Variants in FNIP1 observed in about 807,000 individuals in gnomAD.
The protein encoded by FNIP1 is folliculin interacting protein 1.
A neutral mutation model predicts 124.5 loss-of-function variants in FNIP1; 40 were observed. That is an observed-to-expected ratio of 0.32 (90% CI 0.25 to 0.42). The LOEUF (loss-of-function observed/expected upper bound fraction) is 0.42, where lower values mean the gene tolerates loss of function less well. FNIP1 is among the 10% of genes least tolerant of loss of function. The pLI is 1.00. For synonymous variants in FNIP1, 472 were observed against 470.6 expected (o/e 1.00, Z -0.04); for missense variants, 1,176 against 1,403.7 (o/e 0.84, Z 2.59).
At chr5:131,788,996 C>T (rs1772310790) in intron 1 of FNIP1, among the ~76,000 whole-genome samples, 1 of 152,024 alleles carries the variant, frequency 6.6e-6, no homozygotes, top group Admixed American at 6.6e-5. Context: ...TTTACACTAG[C>T]CAAGATATGC....
At position 131,672,920 on chromosome 5, in the gene FNIP1, G is replaced by C; in HGVS notation, c.1524C>G (p.Asp508Glu). ...CGGGAGAGCCAATAGCGCCATACAAGTCTCCTGTAATGGAAAAAATCAGTT... is the reference window on the plus strand; with the variant it reads ...CGGGAGAGCCAATAGCGCCATACAACTCTCCTGTAATGGAAAAAATCAGTT... ...PYNPLWAQLG[D>E]LYGAIGSPVR... Residue 508 changes from aspartate to glutamate, a missense_variant, in exon 14 of 18, where the codon GAC becomes GAG. By Grantham distance (45) the Asp-to-Glu change is conservative. Transcript: ENST00000510461. 2 of 1,533,468 alleles carry C rather than the reference G, an allele frequency of 1.3e-6. No individual in the cohort carries two copies. Among genetic ancestry groups the C allele is most frequent in the Non-Finnish European group, 1.7e-6 (2 of 1,143,420 alleles). The allele number at this position is 1,533,468 out of a possible 1,614,324, so 95.0% of individuals were successfully genotyped here. A position where few individuals can be genotyped will look rare whatever the true frequency, so the allele number is the denominator to read the frequency against.
intron 1 of FNIP1, among the ~76,000 whole-genome samples, chr5:131,745,606 T>C (rs970654586): frequency 1.3e-5 from 2 of 152,062 alleles, no homozygotes; most frequent in African/African-American, 4.8e-5. Flanking sequence ...TTAGTATGTG[T>C]ATATATATGT....
At chr5:131,775,690 G>T (rs1771779416) in intron 1 of FNIP1, among the ~76,000 whole-genome samples, 1 of 151,690 alleles carries the variant, frequency 6.6e-6, no homozygotes, top group African/African-American at 2.4e-5. Flanking sequence ...ACCACGTCCG[G>T]CTAATTTTTG....
intron 8 of FNIP1, 83 bp downstream of exon 8, chr5:131,709,118 T>A: frequency 9.1e-7 from 1 of 1,100,796 alleles, no homozygotes; most frequent in Non-Finnish European, 1.4e-6. Context: ...ATGAACAAAT[T>A]TGATAATAAA....
chr5:131,711,941 T>G (rs1769305443), intron 6 of FNIP1, among the ~76,000 whole-genome samples: 2 of 152,148 alleles, frequency 1.3e-5, no homozygotes, highest in African/African-American at 4.8e-5. Context: ...ACTTTAAAAA[T>G]TATCTACTTC....
chr5:131,762,662 T>C (rs956209799), intron 1 of FNIP1, among the ~76,000 whole-genome samples: 1 of 152,120 alleles, frequency 6.6e-6, no homozygotes, highest in Non-Finnish European at 1.5e-5. Context: ...AATGTTAGTA[T>C]GACCACTACG....
At chr5:131,765,676 A>G (rs182533016) in intron 1 of FNIP1, among the ~76,000 whole-genome samples, 107 of 152,372 alleles carry the variant, frequency 7.0e-4, no homozygotes, top group Middle Eastern at 3.4e-3. Context: ...CTTCTGTTCC[A>G]ATGGTTTATC....
chr5:131,695,268 T>C (rs32103), intron 11 of FNIP1, among the ~76,000 whole-genome samples: 116,292 of 152,170 alleles, frequency 0.76, 44,619 homozygotes, highest in Middle Eastern at 0.83. Context: ...TCATTGTGTG[T>C]GTGGGCACGT....
chr5:131,710,695 A>G (rs749438010), intron 6 of FNIP1, 34 bp from the exon 7 acceptor site: 55 of 1,595,396 alleles, frequency 3.4e-5, no homozygotes, highest in Non-Finnish European at 4.4e-5. Flanking sequence ...CACATGAAAG[A>G]GGACTGTTAG....
chr5:131,737,062 A>T (rs1770335657), intron 2 of FNIP1, among the ~76,000 whole-genome samples: 1 of 152,200 alleles, frequency 6.6e-6, no homozygotes, highest in Non-Finnish European at 1.5e-5. Flanking sequence ...ATTCGAAGGT[A>T]TTTGTTTTTG....
At chr5:131,656,239 A>T (rs1767188749) in intron 15 of FNIP1, among the ~76,000 whole-genome samples, 1 of 152,216 alleles carries the variant, frequency 6.6e-6, no homozygotes, top group South Asian at 2.1e-4. Context: ...AGAGAAGTTA[A>T]GATATTACAA....
chr5:131,796,898 C>G lies in FNIP1; in HGVS notation c.24G>C (p.Lys8Asn). 1.2e-6 allele frequency: 2 copies of G among 1,608,948 alleles called. No homozygotes were observed. The change falls in exon 1 of 18, where the codon AAG (lysine) becomes AAC (asparagine). Residue 8 changes from lysine (K) to asparagine (N), a missense_variant. By Grantham distance (94) the Lys-to-Asn change is moderately conservative (BLOSUM62 0). Transcript: ENST00000510461. ...CCAGCCCGGTCCTCTTGCTGAAGAG[C>G]TTCTGGAACAGCGTAGGGGCCATGC... is the stretch of plus-strand genomic sequence containing the variant. MAPTLFQ[K>N]LFSKRTGLGA...
intron 11 of FNIP1, among the ~76,000 whole-genome samples, chr5:131,685,448 C>CTT (rs368323566): frequency 0.014 from 1,713 of 126,016 alleles, 56 homozygotes; most frequent in Non-Finnish European, 0.019. Context: ...CCTTAAGAAT[C>CTT]TTTTTTTTTT....
intron 9 of FNIP1, among the ~76,000 whole-genome samples, chr5:131,706,111 T>C (rs1039596940): frequency 4.6e-5 from 7 of 152,068 alleles, no homozygotes; most frequent in Non-Finnish European, 8.8e-5. Flanking sequence ...GGAATTACGT[T>C]GAATGGATAC....
chr5:131,796,732 G>C, intron 1 of FNIP1, 98 bp downstream of exon 1: 1 of 1,141,916 alleles, frequency 8.8e-7, no homozygotes, highest in Non-Finnish European at 1.2e-6. Flanking sequence ...TCGGCGCGGC[G>C]CTTCCGCTCG....
At chr5:131,772,713 G>C (rs902553570) in intron 1 of FNIP1, among the ~76,000 whole-genome samples, 1 of 152,066 alleles carries the variant, frequency 6.6e-6, no homozygotes, top group Non-Finnish European at 1.5e-5. Context: ...CCCATATTCA[G>C]TCAAGCATAG....
At chr5:131,679,469 G>A (rs948939297) in intron 11 of FNIP1, among the ~76,000 whole-genome samples, 9 of 152,130 alleles carry the variant, frequency 5.9e-5, no homozygotes, top group African/African-American at 1.4e-4. Context: ...GAAAGGATAC[G>A]ATGATAATTT....
intron 1 of FNIP1, among the ~76,000 whole-genome samples, chr5:131,745,439 G>A (rs1252471914): frequency 6.6e-6 from 1 of 152,100 alleles, no homozygotes; most frequent in African/African-American, 2.4e-5. Context: ...AGGATCGCTT[G>A]AGCCTGGAAG....
At chr5:131,714,346 T>C (rs1244591640) in intron 6 of FNIP1, among the ~76,000 whole-genome samples, 8 of 152,166 alleles carry the variant, frequency 5.3e-5, no homozygotes, top group Non-Finnish European at 1.0e-4. Flanking sequence ...TTCCCAGCAT[T>C]TTCCTCATTT....
Sources: gnomAD v4.1 joint callset for allele counts (sites outside exome capture counted in the v4.1 genomes callset) on GRCh38, gnomAD v4.1.1 for gene constraint, MANE v1.5 for transcripts, NCBI Gene and HGNC (gene_info 2026-07-23, HGNC 2026-07-21) for gene names.